The following CAND2 variants were observed in gnomAD, a reference collection of about 807,000 sequenced individuals.
CAND2 encodes the protein cullin associated and neddylation dissociated 2 (putative).
In CAND2, 62 loss-of-function variants were observed where a neutral mutation model predicts 98.9. That is an observed-to-expected ratio of 0.63 (90% CI 0.51 to 0.77). The LOEUF is 0.77. CAND2 is among the 30% of genes least tolerant of loss of function. CAND2 has a pLI of 0.00. For missense variants in CAND2, 1,501 were observed against 1,655.2 expected (o/e 0.91, Z 1.62); for synonymous variants, 770 against 731.9 (o/e 1.05, Z -0.84).
At position 12,813,068 on chromosome 3, in the gene CAND2, T is replaced by C; in HGVS notation, c.836T>C (p.Leu279Pro). The part of the protein sequence containing the change: ...LDDDELRESC[L>P]QAFEAFLRKC... ...GATGATGAGCTCCGGGAGTCCTGCC[T>C]CCAGGCTTTTGAGGCCTTCTTGAGG... The change falls in exon 6 of 15, where the codon CTC (leucine) becomes CCC (proline). Residue 279 changes from leucine (L) to proline (P), a missense_variant. This residue lies in a region of CAND2 where 1,427 missense variants were observed against 1,545.3 expected (regional missense o/e 0.92). Coordinates refer to ENST00000456430, the MANE Select transcript of CAND2 (RefSeq NM_001162499.2). 6.3e-7 allele frequency: 1 copy of C among 1,581,244 alleles called. No individual in the cohort carries two copies. Among genetic ancestry groups the C allele is most frequent in the Non-Finnish European group, 8.6e-7 (1 of 1,163,836 alleles).
Position 12,831,382 on chromosome 3 carries a change from G to A in CAND2, c.3376-83G>A, listed in dbSNP as rs371493396. 5.0e-5 allele frequency: 53 copies of A among 1,066,564 alleles called. 2 individuals carry two copies. Among genetic ancestry groups the A allele is most frequent in the Admixed American group, 2.3e-4 (12 of 51,370 alleles). 66.1% of individuals were successfully genotyped at this position (1,066,564 alleles called of 1,614,324 possible). On this transcript the variant is annotated intron_variant, in intron 13 of 14. Coordinates refer to ENST00000456430, the MANE Select transcript of CAND2 (RefSeq NM_001162499.2). ...AACTTGGGCTTCAGGTTTCAGTTGTGGGGCCTCTGCTCTTTCCCAGGGCTG... is the reference window on the plus strand; with the variant it reads ...AACTTGGGCTTCAGGTTTCAGTTGTAGGGCCTCTGCTCTTTCCCAGGGCTG...
intron 13 of CAND2, among the ~76,000 whole-genome samples, chr3:12,828,679 G>C (rs2062025491): frequency 2.0e-5 from 3 of 152,198 alleles, no homozygotes; most frequent in African/African-American, 7.2e-5. Flanking sequence ...CACAGTGGCA[G>C]TAAGCACATT....
At chr3:12,796,864 G>C in intron 1 of CAND2, 76 bp downstream of exon 1, 1 of 1,216,934 alleles carries the variant, frequency 8.2e-7, no homozygotes, top group South Asian at 1.3e-5. Flanking sequence ...CGAAGCGCCA[G>C]CCCATCCCCC....
At position 12,815,449 on chromosome 3, in the gene CAND2, C is replaced by G; in HGVS notation, c.1299+16C>G. 1 of 1,595,926 alleles carries G rather than the reference C, an allele frequency of 6.3e-7. No individual in the cohort carries two copies. The highest frequency in any genetic ancestry group is 8.6e-7 in the Non-Finnish European group (1 of 1,167,682). The stretch of plus-strand genomic sequence containing the variant: ...ACGTGGACAGGTGGGCGTGCCTTCA[C>G]CTCCACCCCTACCCCCGATTTGCCT... On this transcript the variant is annotated intron_variant, in intron 8 of 14. Transcript: ENST00000456430. This position sits in a 1 kb window ranked among gnomAD's most constrained non-coding sequence, Gnocchi z 5.7.
chr3:12,806,558 C>G (rs949060230), intron 2 of CAND2, among the ~76,000 whole-genome samples: 2 of 152,140 alleles, frequency 1.3e-5, no homozygotes, highest in Non-Finnish European at 2.9e-5. Context: ...TTTAAAAGCC[C>G]TCCCCCAACC....
intron 12 of CAND2, among the ~76,000 whole-genome samples, chr3:12,826,243 T>C (rs772210179): frequency 3.3e-5 from 5 of 152,152 alleles, no homozygotes; most frequent in Non-Finnish European, 5.9e-5. Flanking sequence ...AGCAGCTGCG[T>C]TTCACTTAGA....
In CAND2 at chr3:12,796,682, A is replaced by G; in HGVS notation, c.-39A>G. On this transcript the variant is annotated 5_prime_UTR_variant, in exon 1 of 15. It adds an upstream start codon to the 5' untranslated region. Transcript: ENST00000456430. The stretch of plus-strand genomic sequence containing the variant: ...AGGGAGGGGGCGCCCGCGCCGCCAT[A>G]TTCCCTCCCGCCGGCCGGCTCCGCG... 2 of 1,548,480 alleles carry G rather than the reference A, an allele frequency of 1.3e-6. No individual in the cohort carries two copies. Among genetic ancestry groups the G allele is most frequent in the African/African-American group, 1.4e-5 (1 of 73,322 alleles).
chr3:12,825,722 T>A, intron 12 of CAND2, 83 bp downstream of exon 12: 1 of 1,413,178 alleles, frequency 7.1e-7, no homozygotes, highest in Non-Finnish European at 9.7e-7. Flanking sequence ...TATTATCTCA[T>A]CAGAGCAGGT....
At chr3:12,812,940 A>C (rs376875751) in intron 5 of CAND2, 50 bp from the exon 6 acceptor site, 1 of 1,182,220 alleles carries the variant, frequency 8.5e-7, no homozygotes, top group Non-Finnish European at 1.2e-6. Flanking sequence ...GGCTGGGGGA[A>C]CTCCGGGAGA....
intron 13 of CAND2, among the ~76,000 whole-genome samples, chr3:12,830,824 G>A (rs1417019433): frequency 6.6e-6 from 1 of 152,196 alleles, no homozygotes; most frequent in Admixed American, 6.5e-5. Context: ...TTGCTGCCGT[G>A]GGCTGGGCCT....
At chr3:12,806,479 TG>T (rs1163745092) in intron 2 of CAND2, among the ~76,000 whole-genome samples, 1 of 152,156 alleles carries the variant, frequency 6.6e-6, no homozygotes, top group Non-Finnish European at 1.5e-5. Context: ...TGCACACCAA[TG>T]TCTGAGAACC....
chr3:12,818,596 G>C (rs1287436385), intron 10 of CAND2, among the ~76,000 whole-genome samples: 1 of 152,254 alleles, frequency 6.6e-6, no homozygotes, highest in Admixed American at 6.5e-5. Flanking sequence ...CTAGGAAAAT[G>C]AGAGTTCCCA....
rs369647299 is a variant in CAND2, at chr3:12,817,272, G to T, written c.2340G>T (p.Leu780=). Reference sequence around the variant, plus strand: ...TGGACTATGCCAAACTCATCAGCCTGCTCACTGCGCCTGTTTATGAGCAGG... The same window carrying T: ...TGGACTATGCCAAACTCATCAGCCTTCTCACTGCGCCTGTTTATGAGCAGG... ...PCVDYAKLIS[L]LTAPVYEQAV... is the part of the protein sequence containing the mutation. Residue 780 remains leucine (L), a synonymous_variant, in exon 10 of 15, where the codon CTG becomes CTT. Transcript: ENST00000456430. The T allele has an allele frequency of 1.1e-5, 18 of 1,613,848 alleles. No individual in the cohort carries two copies. Among genetic ancestry groups the T allele is most frequent in the African/African-American group, 4.0e-5 (3 of 74,952 alleles).
chr3:12,833,904 T>G lies in CAND2; in HGVS notation c.3633T>G (p.Pro1211=), dbSNP rs1240089083. The change falls in exon 15 of 15, where the codon CCT becomes CCG. Residue 1211 remains proline (P), a synonymous_variant. Transcript: ENST00000456430. ...ADFSSQIRSN[P]ELAALFESIQ... The stretch of plus-strand genomic sequence containing the variant: ...TCTCTTCCCAAATCAGATCCAACCC[T>G]GAACTTGCTGCCCTCTTTGAAAGCA... 2 of 1,614,222 alleles carry G rather than the reference T, an allele frequency of 1.2e-6. No homozygotes were observed. Among genetic ancestry groups the G allele is most frequent in the East Asian group, 4.5e-5 (2 of 44,888 alleles).
chr3:12,815,569 G>GGGC lies in CAND2; in HGVS notation c.1299+139_1299+141dup, dbSNP rs2061892017. The stretch of plus-strand genomic sequence containing the variant: ...GAAGGGAAGGGGTCCCTGGGGTGGG[G>GGGC]GGCGGGAGCCAGCCAGGCTTCTGGA... On this transcript the variant is annotated intron_variant, in intron 8 of 14. Coordinates refer to ENST00000456430, the MANE Select transcript of CAND2 (RefSeq NM_001162499.2). The surrounding 1 kb of genome is among the most constrained non-coding windows in gnomAD (Gnocchi z 5.7). 4.1e-6 allele frequency: 4 copies of GGGC among 977,266 alleles called. No homozygotes were observed. The highest frequency in any genetic ancestry group is 6.0e-6 in the Non-Finnish European group (4 of 665,628). The allele number at this position is 977,266 out of a possible 1,614,324, so 60.5% of individuals were successfully genotyped here. A position where few individuals can be genotyped will look rare whatever the true frequency, so the allele number is the denominator to read the frequency against.
At chr3:12,820,262 A>G in intron 11 of CAND2, 81 bp downstream of exon 11, 1 of 1,079,300 alleles carries the variant, frequency 9.3e-7, no homozygotes, top group Non-Finnish European at 1.4e-6. Context: ...TTACTACCCA[A>G]TAGCCAAGGG....
chr3:12,833,363 CAGTCT>C (rs1177430266), intron 14 of CAND2, among the ~76,000 whole-genome samples: 1 of 152,174 alleles, frequency 6.6e-6, no homozygotes, highest in African/African-American at 2.4e-5. Flanking sequence ...TCCATTCATT[CAGTCT>C]AGTCATATGG....
At chr3:12,832,058 G>C (rs576487423) in intron 14 of CAND2, among the ~76,000 whole-genome samples, 2 of 152,218 alleles carry the variant, frequency 1.3e-5, no homozygotes, top group African/African-American at 2.4e-5. Flanking sequence ...GTTGGGAGCA[G>C]AGCCTGGCGC....
chr3:12,817,140 GCT>G lies in CAND2; in HGVS notation c.2212_2213del (p.Ser738ArgfsTer20). ...CTTTGGTGGAGGTCAGTGGCCCTGTGCTCTCAGAGCTGCTGCGGCTGCTGCGT... is the reference window on the plus strand; with the variant it reads ...CTTTGGTGGAGGTCAGTGGCCCTGTGCTCAGAGCTGCTGCGGCTGCTGCGT... Reference protein sequence around the residue: ...ASLVEVSGPVLSELLRLLRSP... With the variant: ...ASLVEVSGPVXSELLRLLRSP... On this transcript the variant is annotated frameshift_variant, in exon 10 of 15. Coordinates refer to ENST00000456430, the MANE Select transcript of CAND2 (RefSeq NM_001162499.2). LOFTEE classifies it high-confidence loss of function. The G allele has an allele frequency of 6.2e-7, 1 of 1,613,058 alleles. No individual in the cohort carries two copies. The highest frequency in any genetic ancestry group is 8.5e-7 in the Non-Finnish European group (1 of 1,179,992).
Sources: allele counts gnomAD v4.1 joint callset (sites outside exome capture counted in the v4.1 genomes callset), GRCh38; gene constraint gnomAD v4.1.1; regional missense constraint gnomAD v4.1.1; non-coding constraint Gnocchi (gnomAD v3.1); transcripts MANE v1.5; gene names NCBI Gene and HGNC (gene_info 2026-07-23, HGNC 2026-07-21).